CPSF7: variants seen among roughly 807,000 people sequenced by gnomAD.
CPSF7 encodes cleavage and polyadenylation specific factor 7.
CPSF7 carries 1 observed loss-of-function variant against 44.3 expected under a neutral mutation model. The observed-to-expected ratio is 0.02, with a 90% CI of 0.01 to 0.11. CPSF7 has a LOEUF of 0.11. Among genes scored for constraint, CPSF7 ranks in the 10% least tolerant of loss-of-function variants. The pLI, the probability that CPSF7 is intolerant of heterozygous loss-of-function variation, is 1.00. For missense variants in CPSF7, 443 were observed against 607.2 expected (o/e 0.73, Z 2.84); for synonymous variants, 202 against 222.0 (o/e 0.91, Z 0.80).
intron 1 of CPSF7, chr11:61,429,545 A>G: frequency 1.7e-6 from 1 of 576,046 alleles, no homozygotes. Context: ...GCGCGACGGA[A>G]AAGTCCCACC....
At chr11:61,412,351 G>A (rs1456895788) in intron 7 of CPSF7, among the ~76,000 whole-genome samples, 1 of 150,498 alleles carries the variant, frequency 6.6e-6, no homozygotes, top group African/African-American at 2.5e-5. Context: ...TGCAGTGGCC[G>A]TGATCTCGGC....
At chr11:61,410,241 C>T (rs1859736274) in intron 9 of CPSF7, among the ~76,000 whole-genome samples, 1 of 152,030 alleles carries the variant, frequency 6.6e-6, no homozygotes, top group South Asian at 2.1e-4. Context: ...GGGACCACCA[C>T]ACTTGGCTAA....
chr11:61,416,578 A>T (rs1860362802), intron 5 of CPSF7, 59 bp from the exon 6 acceptor site: 1 of 1,548,288 alleles, frequency 6.5e-7, no homozygotes, highest in South Asian at 1.1e-5. Flanking sequence ...CCACAGGACC[A>T]GTTCATCCTT....
At chr11:61,423,633 A>T (rs1169645603) in intron 2 of CPSF7, among the ~76,000 whole-genome samples, 1 of 152,200 alleles carries the variant, frequency 6.6e-6, no homozygotes, top group Non-Finnish European at 1.5e-5. Context: ...CTATTCTTTT[A>T]AAAAGGGAAT....
chr11:61,429,078 G>A (rs1189137380), intron 2 of CPSF7, 104 bp downstream of exon 2: 3 of 664,316 alleles, frequency 4.5e-6, no homozygotes, highest in East Asian at 2.7e-5. Context: ...GGATAGACGC[G>A]TGTTCAAGCC....
chr11:61,426,747 G>C (rs1246042095), intron 2 of CPSF7: 8 of 152,212 alleles, frequency 5.3e-5, no homozygotes, highest in African/African-American at 1.9e-4. Context: ...AACAAAGGTG[G>C]CTGGGTACGG....
chr11:61,418,055 A>G lies in CPSF7; in HGVS notation c.524-1536T>C, dbSNP rs534545478. 3.6e-4 allele frequency among the ~76,000 whole-genome samples: 55 copies of G among 152,334 alleles called. 1 individual carries two copies. The South Asian group carries it at 9.9e-3, about 28-fold the overall frequency. On this transcript the variant is annotated intron_variant, in intron 5 of 9. Transcript: ENST00000439958. The stretch of plus-strand genomic sequence containing the variant: ...GGGTGAATTACAGAAAGACTCCAAA[A>G]CAGAGGGGACTTGAAAATACAACTT...
chr11:61,421,016 T>C (rs1860820739), intron 3 of CPSF7: 1 of 1,138,374 alleles, frequency 8.8e-7, no homozygotes, highest in African/African-American at 1.6e-5. Flanking sequence ...ACCCCAAGTA[T>C]ACTAGAGTTA....
chr11:61,416,621 G>A (rs895722558), intron 5 of CPSF7, 102 bp from the exon 6 acceptor site: 7 of 1,239,388 alleles, frequency 5.6e-6, no homozygotes, highest in Admixed American at 4.0e-5. Flanking sequence ...AAAGGAAGGT[G>A]ACTAAAGAGG....
At chr11:61,414,467 T>C (rs1860135359) in intron 7 of CPSF7, among the ~76,000 whole-genome samples, 1 of 152,196 alleles carries the variant, frequency 6.6e-6, no homozygotes, top group African/African-American at 2.4e-5. Flanking sequence ...CTAATTTAGA[T>C]GTCAATGTAG....
rs1422154204 is a variant in CPSF7, at chr11:61,403,736, C to A, written c.*974G>T. On this transcript the variant is annotated 3_prime_UTR_variant, in exon 10 of 10. Transcript: ENST00000439958. Reference sequence around the variant, plus strand: ...GCCTATGGAAGTAGGCCATATCCTGCCCAACTTGCTTCTTTCCCCATTCCT... The same window carrying A: ...GCCTATGGAAGTAGGCCATATCCTGACCAACTTGCTTCTTTCCCCATTCCT... 6.6e-6 allele frequency: 1 copy of A among 152,230 alleles called. No individual in the cohort carries two copies. Among genetic ancestry groups the A allele is most frequent in the Non-Finnish European group, 1.5e-5 (1 of 68,076 alleles). The allele number at this position is 152,230 out of a possible 1,614,324, so 9.4% of individuals were successfully genotyped here. A position where few individuals can be genotyped will look rare whatever the true frequency, so the allele number is the denominator to read the frequency against.
chr11:61,415,804 T>G lies in CPSF7; in HGVS notation c.939-20A>C. On this transcript the variant is annotated intron_variant, in intron 6 of 9. Transcript: ENST00000439958. ...TCTCGGCTGTACAGAGAAAATACCA[T>G]CCTTGATTGCTCACATCCCTTATTA... 6.7e-7 allele frequency: 1 copy of G among 1,488,162 alleles called. No individual in the cohort carries two copies. Among genetic ancestry groups the G allele is most frequent in the Non-Finnish European group, 9.4e-7 (1 of 1,065,494 alleles). The allele number at this position is 1,488,162 out of a possible 1,614,324, so 92.2% of individuals were successfully genotyped here.
At chr11:61,419,890 A>AC (rs761885966) in intron 5 of CPSF7, 59 bp downstream of exon 5, 449 of 1,530,702 alleles carry the variant, frequency 2.9e-4, no homozygotes, top group Admixed American at 7.6e-4. Context: ...ACCCACAAAC[A>AC]CCCCCCCCTC....
rs1420287168 is a variant in CPSF7, at chr11:61,415,742, T to C, written c.981A>G (p.Glu327=). The C allele has an allele frequency of 6.8e-6, 11 of 1,614,080 alleles. No individual in the cohort carries two copies. In the Admixed American group the frequency reaches 1.0e-4, roughly 15 times the overall value. Reference sequence around the variant, plus strand: ...TGTTTCGCTTCATGATATCTTCAAATTCGGCTTCACTCACTGTAGAGGGTG... The same window carrying C: ...TGTTTCGCTTCATGATATCTTCAAACTCGGCTTCACTCACTGTAGAGGGTG... ...GPPPSTVSEA[E]FEDIMKRNRA... The change falls in exon 7 of 10, where the codon GAA becomes GAG. Residue 327 remains glutamate, a synonymous_variant. Transcript: ENST00000439958.
intron 2 of CPSF7, among the ~76,000 whole-genome samples, chr11:61,424,201 G>C (rs1200293194): frequency 6.6e-6 from 1 of 152,188 alleles, no homozygotes; most frequent in Non-Finnish European, 1.5e-5. Flanking sequence ...GGAGAGGACA[G>C]GGTGGATAAT....
At chr11:61,420,970 A>T in intron 3 of CPSF7, 1 of 813,646 alleles carries the variant, frequency 1.2e-6, no homozygotes, top group Non-Finnish European at 1.8e-6. Flanking sequence ...GCCCCAAAAC[A>T]TCACAAAATA....
rs1267639976 is a variant in CPSF7 at position 61,403,330 on chromosome 11, T to G, written c.*1380A>C. The G allele has an allele frequency of 6.6e-6, 1 of 152,186 alleles. No individual in the cohort carries two copies. The highest frequency in any genetic ancestry group is 1.5e-5 in the Non-Finnish European group (1 of 68,034). The allele number at this position is 152,186 out of a possible 1,614,324, so 9.4% of individuals were successfully genotyped here. A position where few individuals can be genotyped will look rare whatever the true frequency, so the allele number is the denominator to read the frequency against. On this transcript the variant is annotated 3_prime_UTR_variant, in exon 10 of 10. Coordinates refer to ENST00000439958, the MANE Select transcript of CPSF7 (RefSeq NM_001142565.3). The stretch of plus-strand genomic sequence containing the variant: ...TGTTAGGTGTCAGATGCCCTGTAGA[T>G]GCATGCAGAAGTAGCATCACCCCAT...
chr11:61,429,338 G>A (rs975374395), intron 1 of CPSF7, 48 bp from the exon 2 acceptor site: 1 of 1,152,758 alleles, frequency 8.7e-7, no homozygotes. Flanking sequence ...GAGGGTCCTG[G>A]GCTGGGAAGA....
At position 61,415,790 on chromosome 11, in the gene CPSF7, C is replaced by CAGAGAAAAT. The variant is rs1860271885; in HGVS notation, c.939-15_939-7dup. 1 of 1,565,040 alleles carries CAGAGAAAAT rather than the reference C, an allele frequency of 6.4e-7. No individual in the cohort carries two copies. ...GTGGAGGGCCCGAATCTCGGCTGTA[C>CAGAGAAAAT]AGAGAAAATACCATCCTTGATTGCT... is the stretch of plus-strand genomic sequence containing the variant. On this transcript the variant is annotated splice_polypyrimidine_tract_variant and splice_region_variant and intron_variant, in intron 6 of 9. Coordinates refer to ENST00000439958, the MANE Select transcript of CPSF7 (RefSeq NM_001142565.3).
Sources: allele counts gnomAD v4.1 joint callset (sites outside exome capture counted in the v4.1 genomes callset), GRCh38; gene constraint gnomAD v4.1.1; transcripts MANE v1.5; gene names NCBI Gene and HGNC (gene_info 2026-07-23, HGNC 2026-07-21).